The following R3HDM2 variants were observed in gnomAD, a reference collection of about 807,000 sequenced individuals.
R3HDM2 encodes the protein R3H domain containing 2.
Under a neutral mutation model 124.5 loss-of-function variants are expected in R3HDM2, and 38 were observed. The ratio of observed to expected loss-of-function variants is 0.31; its 90% CI spans 0.24 to 0.40. The LOEUF is 0.40. Among genes scored for constraint, R3HDM2 ranks in the 10% least tolerant of loss-of-function variants. R3HDM2 has a pLI of 1.00. For synonymous variants in R3HDM2, 391 were observed against 448.0 expected (o/e 0.87, Z 1.61); for missense variants, 869 against 1,236.9 (o/e 0.70, Z 4.46).
chr12:57,374,837 CAA>C (rs1046045547), intron 2 of R3HDM2, among the ~76,000 whole-genome samples: 2 of 141,524 alleles, frequency 1.4e-5, no homozygotes, highest in African/African-American at 5.2e-5. Context: ...ACTAAAAATA[CAA>C]AAAAAAAATA....
intron 19 of R3HDM2, among the ~76,000 whole-genome samples, chr12:57,264,330 C>T (rs1329369567): frequency 5.8e-5 from 8 of 137,940 alleles, no homozygotes; most frequent in African/African-American, 1.1e-4. Context: ...CCGAGGCGGG[C>T]GGATCACCTG....
chr12:57,282,067 T>C (rs996212812), intron 13 of R3HDM2, among the ~76,000 whole-genome samples: 7 of 152,074 alleles, frequency 4.6e-5, no homozygotes, highest in African/African-American at 1.7e-4. Flanking sequence ...CCCAGCACTT[T>C]GGGAGGCTTA....
rs1012906122 is a variant in R3HDM2 at position 57,253,847 on chromosome 12, TAAATA to T, written c.*921_*925del. The T allele has an allele frequency of 1.2e-5, 2 of 167,826 alleles. No homozygotes were observed. Among genetic ancestry groups the T allele is most frequent in the Non-Finnish European group, 2.5e-5 (2 of 78,494 alleles). The allele number at this position is 167,826 out of a possible 1,614,324, so 10.4% of individuals were successfully genotyped here. On this transcript the variant is annotated 3_prime_UTR_variant, in exon 24 of 24. Coordinates refer to ENST00000402412, the MANE Select transcript of R3HDM2 (RefSeq NM_001394031.1). ...CCCCCAAACAAACAAAAAAACAGAT[TAAATA>T]AAATTTACAGTGAATATACCCAGCA... is the stretch of plus-strand genomic sequence containing the variant.
At chr12:57,302,394 G>A (rs569656382) in intron 4 of R3HDM2, among the ~76,000 whole-genome samples, 1 of 151,868 alleles carries the variant, frequency 6.6e-6, no homozygotes, top group South Asian at 2.1e-4. Context: ...AGCCGGGCAC[G>A]GTGGCTCATG....
At chr12:57,342,480 ACACAGG>A (rs2059665606) in intron 2 of R3HDM2, among the ~76,000 whole-genome samples, 1 of 118,136 alleles carries the variant, frequency 8.5e-6, no homozygotes, top group Admixed American at 9.3e-5. Context: ...ACAGACACAG[ACACAGG>A]CACACACAGA....
At chr12:57,339,567 A>G (rs745653816) in intron 2 of R3HDM2, among the ~76,000 whole-genome samples, 2 of 151,974 alleles carry the variant, frequency 1.3e-5, no homozygotes, top group Non-Finnish European at 2.9e-5. Flanking sequence ...ATGTGGTGGC[A>G]TGCACCTGTA....
At chr12:57,324,949 A>G (rs2057080219) in intron 2 of R3HDM2, among the ~76,000 whole-genome samples, 1 of 152,166 alleles carries the variant, frequency 6.6e-6, no homozygotes, top group South Asian at 2.1e-4. Context: ...TAAGAAGAGG[A>G]AATTTGGACA....
At chr12:57,355,881 AT>A (rs2061234315) in intron 2 of R3HDM2, among the ~76,000 whole-genome samples, 1 of 152,200 alleles carries the variant, frequency 6.6e-6, no homozygotes, top group East Asian at 1.9e-4. Context: ...TCAATTTCAG[AT>A]TGCTCCTGCT....
chr12:57,297,807 C>A (rs1266269335), intron 7 of R3HDM2: 2 of 419,058 alleles, frequency 4.8e-6, no homozygotes, highest in Non-Finnish European at 8.5e-6. Context: ...CTATCACTCC[C>A]AATGTGTGCT....
chr12:57,341,859 A>G (rs2059598037), intron 2 of R3HDM2, among the ~76,000 whole-genome samples: 2 of 152,204 alleles, frequency 1.3e-5, no homozygotes, highest in Non-Finnish European at 2.9e-5. Flanking sequence ...GAGAACAGAA[A>G]TCACCACTGT....
intron 19 of R3HDM2, among the ~76,000 whole-genome samples, chr12:57,261,757 C>CAA (rs35440132): frequency 0.03 from 2,390 of 79,706 alleles, 37 homozygotes; most frequent in African/African-American, 0.045. Flanking sequence ...ATAGACGTGG[C>CAA]AAAAAAAAAA....
intron 2 of R3HDM2, among the ~76,000 whole-genome samples, chr12:57,331,008 G>A (rs1372420260): frequency 6.6e-6 from 1 of 152,026 alleles, no homozygotes; most frequent in African/African-American, 2.4e-5. Context: ...GGAATCTTTA[G>A]GGTTTTCTAT....
At chr12:57,319,876 G>C (rs7975649) in intron 2 of R3HDM2, among the ~76,000 whole-genome samples, 67,352 of 151,346 alleles carry the variant, frequency 0.45, 15,461 homozygotes, top group South Asian at 0.52. Flanking sequence ...AGTCCTTTCA[G>C]CCAATGCAGA....
intron 18 of R3HDM2, 82 bp from the exon 19 acceptor site, chr12:57,266,913 C>T: frequency 1.9e-6 from 2 of 1,049,840 alleles, no homozygotes; most frequent in Non-Finnish European, 2.7e-6. Context: ...GCTTCCTGGT[C>T]CTCCCCTATG....
chr12:57,418,099 A>T, intron 1 of R3HDM2: 1 of 928,120 alleles, frequency 1.1e-6, no homozygotes, highest in South Asian at 5.0e-5. Context: ...CCAAAAGTGA[A>T]CTCTCTACCA....
chr12:57,270,067 G>A, intron 14 of R3HDM2, 73 bp from the exon 15 acceptor site: 4 of 1,543,088 alleles, frequency 2.6e-6, no homozygotes, highest in South Asian at 1.2e-5. Flanking sequence ...CATAGACAGA[G>A]AGAAATAGCA....
chr12:57,365,221 G>A (rs1593984702), intron 2 of R3HDM2, among the ~76,000 whole-genome samples: 2 of 144,120 alleles, frequency 1.4e-5, no homozygotes, highest in South Asian at 2.2e-4. Context: ...CCGAGATCAT[G>A]CCACTGCACT....
At chr12:57,288,415 AT>A (rs1461630614) in intron 12 of R3HDM2, among the ~76,000 whole-genome samples, 2 of 151,304 alleles carry the variant, frequency 1.3e-5, no homozygotes, top group Non-Finnish European at 2.9e-5. Flanking sequence ...TATATGTATT[AT>A]TTTTTCTTAA....
intron 2 of R3HDM2, among the ~76,000 whole-genome samples, chr12:57,356,389 A>G (rs2061297031): frequency 6.6e-6 from 1 of 152,182 alleles, no homozygotes; most frequent in Non-Finnish European, 1.5e-5. Context: ...ATAGAGAATT[A>G]CATTGGTTGA....
Sources: allele counts gnomAD v4.1 joint callset (sites outside exome capture counted in the v4.1 genomes callset), GRCh38; gene constraint gnomAD v4.1.1; transcripts MANE v1.5; gene names NCBI Gene and HGNC (gene_info 2026-07-23, HGNC 2026-07-21).